The following CPXM2 variants were observed in gnomAD, a reference collection of about 807,000 sequenced individuals.
The protein encoded by CPXM2 is carboxypeptidase X, M14 family member 2.
In CPXM2, 66 loss-of-function variants were observed where a neutral mutation model predicts 86.1. The ratio of observed to expected loss-of-function variants is 0.77; its 90% CI spans 0.63 to 0.94. The LOEUF (loss-of-function observed/expected upper bound fraction) is 0.94, where lower values mean the gene tolerates loss of function less well. CPXM2 is among the 40% of genes least tolerant of loss of function. CPXM2 has a pLI of 0.00. For missense variants in CPXM2, 948 were observed against 1,026.3 expected (o/e 0.92, Z 1.04); for synonymous variants, 388 against 400.2 (o/e 0.97, Z 0.36).
chr10:123,763,213 G>A (rs191552808), intron 10 of CPXM2, among the ~76,000 whole-genome samples: 1 of 152,216 alleles, frequency 6.6e-6, no homozygotes, highest in Admixed American at 6.5e-5. Context: ...CTAATATTTC[G>A]TGTTGCAGTA....
At chr10:123,767,832 A>G (rs1352931431) in intron 9 of CPXM2, among the ~76,000 whole-genome samples, 2 of 152,236 alleles carry the variant, frequency 1.3e-5, no homozygotes, top group African/African-American at 4.8e-5. Flanking sequence ...CAGAATAATA[A>G]AACAACTATC....
intron 2 of CPXM2, among the ~76,000 whole-genome samples, chr10:123,876,677 C>T (rs1374516793): frequency 6.6e-6 from 1 of 152,056 alleles, no homozygotes; most frequent in Non-Finnish European, 1.5e-5. Context: ...GATTTTGGCT[C>T]TTAGCTACTA....
intron 3 of CPXM2, among the ~76,000 whole-genome samples, chr10:123,846,113 T>A (rs1245858533): frequency 6.6e-6 from 1 of 152,230 alleles, no homozygotes; most frequent in African/African-American, 2.4e-5. Context: ...GGGACTGGTT[T>A]TTCCACCATC....
intron 2 of CPXM2, among the ~76,000 whole-genome samples, chr10:123,933,579 G>A (rs1306164371): frequency 1.3e-5 from 2 of 152,032 alleles, no homozygotes; most frequent in East Asian, 1.9e-4. Context: ...TTAGCCAGGG[G>A]TGGTGGCATA....
chr10:123,934,410 C>G (rs1945696328), intron 2 of CPXM2, among the ~76,000 whole-genome samples: 1 of 151,772 alleles, frequency 6.6e-6, no homozygotes. Context: ...GTGGGTGCAT[C>G]TCGCCAATCC....
At chr10:123,793,841 G>A (rs1231329058) in intron 6 of CPXM2, among the ~76,000 whole-genome samples, 1 of 152,202 alleles carries the variant, frequency 6.6e-6, no homozygotes, top group African/African-American at 2.4e-5. Context: ...AAGCAAAAAT[G>A]GAAGGGAGCA....
At chr10:123,925,272 A>G (rs962960999) in intron 2 of CPXM2, among the ~76,000 whole-genome samples, 7 of 152,166 alleles carry the variant, frequency 4.6e-5, no homozygotes, top group Non-Finnish European at 8.8e-5. Flanking sequence ...CAATTAAAAG[A>G]CAGAGAATTC....
At chr10:123,917,480 A>G (rs1268552753) in intron 2 of CPXM2, among the ~76,000 whole-genome samples, 2 of 152,218 alleles carry the variant, frequency 1.3e-5, no homozygotes, top group African/African-American at 2.4e-5. Context: ...AGAAGATTAT[A>G]ATGGGCTTCA....
At chr10:123,857,114 C>G (rs112207636) in intron 3 of CPXM2, among the ~76,000 whole-genome samples, 17 of 152,234 alleles carry the variant, frequency 1.1e-4, no homozygotes, top group African/African-American at 3.4e-4. Flanking sequence ...AACTGGATGT[C>G]TTCCTTGAAT....
intron 3 of CPXM2, among the ~76,000 whole-genome samples, chr10:123,844,838 G>T (rs1463074995): frequency 3.3e-5 from 5 of 151,936 alleles, no homozygotes; most frequent in Non-Finnish European, 7.4e-5. Flanking sequence ...TGAGAACCTG[G>T]GTTTCAAGAT....
At chr10:123,842,661 A>T (rs1246471969) in intron 3 of CPXM2, among the ~76,000 whole-genome samples, 173 bp from the exon 4 acceptor site, 3 of 152,202 alleles carry the variant, frequency 2.0e-5, no homozygotes, top group Non-Finnish European at 4.4e-5. Context: ...CATAAAAGGG[A>T]GTTGCTTAGT....
intron 2 of CPXM2, among the ~76,000 whole-genome samples, chr10:123,911,329 A>C (rs1224669506): frequency 6.6e-6 from 1 of 152,100 alleles, no homozygotes. Flanking sequence ...CTGATGGTCC[A>C]GGGGACAGGT....
At chr10:123,896,100 G>A (rs1378951438), upstream of CPXM2, among the ~76,000 whole-genome samples, 1 of 152,228 alleles carries the variant, frequency 6.6e-6, no homozygotes, top group Non-Finnish European at 1.5e-5. Flanking sequence ...ACAATAGAGT[G>A]TGCAGGTCTA....
At chr10:123,791,637 T>C (rs1847209284) in intron 6 of CPXM2, among the ~76,000 whole-genome samples, 1 of 152,202 alleles carries the variant, frequency 6.6e-6, no homozygotes, top group Non-Finnish European at 1.5e-5. Context: ...AGTCATTGGA[T>C]TAAGGGCCCA....
chr10:123,929,680 T>C (rs73368774), intron 2 of CPXM2, among the ~76,000 whole-genome samples: 18,804 of 147,890 alleles, frequency 0.13, 1,687 homozygotes, highest in East Asian at 0.39. Context: ...AAGGGTCCCT[T>C]TGCCTTCTGC....
chr10:123,889,940 G>A (rs146510315), intron 1 of CPXM2, among the ~76,000 whole-genome samples: 1 of 152,236 alleles, frequency 6.6e-6, no homozygotes, highest in East Asian at 1.9e-4. Context: ...AAACTAGAAT[G>A]CATGTGGATT....
At chr10:123,887,882 T>G (rs1945205129) in intron 1 of CPXM2, among the ~76,000 whole-genome samples, 1 of 152,198 alleles carries the variant, frequency 6.6e-6, no homozygotes, top group Admixed American at 6.5e-5. Context: ...TATAATTATT[T>G]CAAAATAAAA....
At chr10:123,886,514 G>T (rs915956970) in intron 1 of CPXM2, among the ~76,000 whole-genome samples, 4 of 152,156 alleles carry the variant, frequency 2.6e-5, no homozygotes, top group Non-Finnish European at 4.4e-5. Context: ...CAAACTCAAT[G>T]ATTCTGAGCA....
chr10:123,900,633 C>G (rs1415633995), intron 2 of CPXM2, among the ~76,000 whole-genome samples: 1 of 152,186 alleles, frequency 6.6e-6, no homozygotes, highest in African/African-American at 2.4e-5. Context: ...ATGGGTACCA[C>G]CCACTGGGAG....
Sources: allele counts gnomAD v4.1 joint callset (sites outside exome capture counted in the v4.1 genomes callset), GRCh38; gene constraint gnomAD v4.1.1; transcripts MANE v1.5; gene names NCBI Gene and HGNC (gene_info 2026-07-23, HGNC 2026-07-21).